Variants in TBC1D2B observed in about 807,000 individuals in gnomAD.
The protein encoded by TBC1D2B is TBC1 domain family member 2B, also known as TBC1 domain family, member 2B.
Under a neutral mutation model 100.8 loss-of-function variants are expected in TBC1D2B, and 64 were observed. The ratio of observed to expected loss-of-function variants is 0.64; its 90% CI spans 0.52 to 0.78. The LOEUF (loss-of-function observed/expected upper bound fraction) is 0.78, where lower values mean the gene tolerates loss of function less well. Ranked by LOEUF, TBC1D2B falls within the 30% of genes least tolerant of loss-of-function variation. The pLI is 0.00. For missense variants in TBC1D2B, 1,052 were observed against 1,218.4 expected (o/e 0.86, Z 2.03); for synonymous variants, 480 against 479.7 (o/e 1.00, Z -0.01).
chr15:78,038,044 C>A (rs538775447), intron 3 of TBC1D2B, among the ~76,000 whole-genome samples: 111 of 152,190 alleles, frequency 7.3e-4, no homozygotes, highest in African/African-American at 2.3e-3. Flanking sequence ...CAGACCCCCC[C>A]ACGAGTATAA....
At chr15:78,016,466 C>T in intron 8 of TBC1D2B, 80 bp downstream of exon 8, 1 of 1,364,064 alleles carries the variant, frequency 7.3e-7, no homozygotes, top group Admixed American at 2.0e-5. Flanking sequence ...GTGTACGGCT[C>T]TCTGCGAATG....
chr15:78,077,370 C>CG lies in TBC1D2B; in HGVS notation c.282dup (p.Asp95ArgfsTer49). ...TCCGTGCCCGGCTCCGCCGCCTCGT[C>CG]GGGGCCCTGGTAGCTGAAGCAGGCG... On this transcript the variant is annotated frameshift_variant, in exon 1 of 13. Coordinates refer to ENST00000300584, the MANE Select transcript of TBC1D2B (RefSeq NM_144572.2). LOFTEE classifies it high-confidence loss of function. 6.5e-7 allele frequency: 1 copy of CG among 1,541,174 alleles called. No homozygotes were observed. Among genetic ancestry groups the CG allele is most frequent in the Non-Finnish European group, 8.7e-7 (1 of 1,143,562 alleles).
chr15:78,013,188 G>T lies in TBC1D2B; in HGVS notation c.1905C>A (p.Val635=). ...LTENQEVSTG[V]KWENYFASTV... ...TACTTGCAAAATAGTTTTCCCACTT[G>T]ACCCCAGTGGAGACTTCCTGGTTTT... The change falls in exon 9 of 13, where the codon GTC becomes GTA. Residue 635 remains valine (V), a synonymous_variant. Coordinates refer to ENST00000300584, the MANE Select transcript of TBC1D2B (RefSeq NM_144572.2). 1 of 1,613,964 alleles carries T rather than the reference G, an allele frequency of 6.2e-7. No homozygotes were observed. Among genetic ancestry groups the T allele is most frequent in the Non-Finnish European group, 8.5e-7 (1 of 1,179,886 alleles).
chr15:78,022,915 T>C (rs1484985313), intron 6 of TBC1D2B, among the ~76,000 whole-genome samples: 1 of 152,192 alleles, frequency 6.6e-6, no homozygotes, highest in Non-Finnish European at 1.5e-5. Context: ...TCTTGTTGTT[T>C]TGGATTTTCT....
chr15:78,076,376 T>C (rs1411655502), intron 1 of TBC1D2B, among the ~76,000 whole-genome samples: 2 of 152,194 alleles, frequency 1.3e-5, no homozygotes, highest in African/African-American at 4.8e-5. Context: ...TGTGTGACCT[T>C]AGCTGGAGCA....
chr15:77,996,754 A>G lies in TBC1D2B; in HGVS notation c.*1406T>C, dbSNP rs974930438. ...TTAAAACTGCATTGCTTCAATTCTT[A>G]GTCTCAGTGTGTTCACAACAAAGGA... On this transcript the variant is annotated 3_prime_UTR_variant, in exon 13 of 13. Coordinates refer to ENST00000300584, the MANE Select transcript of TBC1D2B (RefSeq NM_144572.2). 1.3e-5 allele frequency: 2 copies of G among 152,238 alleles called. No individual in the cohort carries two copies. The highest frequency in any genetic ancestry group is 4.8e-5 in the African/African-American group (2 of 41,460). 9.4% of individuals were successfully genotyped at this position (152,238 alleles called of 1,614,324 possible). A position where few individuals can be genotyped will look rare whatever the true frequency, so the allele number is the denominator to read the frequency against.
intron 1 of TBC1D2B, among the ~76,000 whole-genome samples, chr15:78,059,434 T>C (rs1389656414): frequency 6.6e-6 from 1 of 152,184 alleles, no homozygotes; most frequent in Non-Finnish European, 1.5e-5. Flanking sequence ...TGGAAAGCCA[T>C]TGTAGTTGTC....
chr15:78,001,526 T>C lies in TBC1D2B; in HGVS notation c.2696+93A>G, dbSNP rs1042744249. ...CAACACTGTACACCGGGGATGGCTC[T>C]GAGTTGGAAGACAGCAAGGACAGGC... On this transcript the variant is annotated intron_variant, in intron 12 of 12. Transcript: ENST00000300584. The C allele has an allele frequency of 2.8e-6, 4 of 1,431,388 alleles. No homozygotes were observed. The African/African-American group carries it at 4.3e-5, about 15-fold the overall frequency. The allele number at this position is 1,431,388 out of a possible 1,614,324, so 88.7% of individuals were successfully genotyped here.
chr15:78,066,904 T>C (rs1240003985), intron 1 of TBC1D2B, among the ~76,000 whole-genome samples: 1 of 152,178 alleles, frequency 6.6e-6, no homozygotes, highest in East Asian at 1.9e-4. Flanking sequence ...ATGCCTCCTA[T>C]CAAGTCAACC....
chr15:78,000,863 C>G (rs927789902), intron 12 of TBC1D2B, among the ~76,000 whole-genome samples: 3 of 152,312 alleles, frequency 2.0e-5, no homozygotes, highest in East Asian at 3.9e-4. Flanking sequence ...CAATCTACCC[C>G]CCTTCTCCAT....
intron 1 of TBC1D2B, among the ~76,000 whole-genome samples, chr15:78,054,710 G>A (rs896832987): frequency 1.1e-4 from 16 of 152,186 alleles, no homozygotes; most frequent in South Asian, 2.1e-4. Flanking sequence ...AGGGTGCAGG[G>A]CAGCTAGTAC....
intron 12 of TBC1D2B, 94 bp downstream of exon 12, chr15:78,001,525 C>T (rs1011012048): frequency 1.4e-6 from 2 of 1,432,346 alleles, no homozygotes; most frequent in Non-Finnish European, 1.9e-6. Flanking sequence ...GGGGATGGCT[C>T]TGAGTTGGAA....
chr15:78,025,373 G>C lies in TBC1D2B; in HGVS notation c.972C>G (p.Gly324=). ...TGCTGACGCTGCCACTGCCTGATGT[G>C]CCTTCACTTGAAGGGTCACCACTGC... ...RHSSGDPSSE[G]TSGSGSVSIR... The change falls in exon 5 of 13, where the codon GGC becomes GGG. Residue 324 remains glycine, a synonymous_variant. Transcript: ENST00000300584. 1 of 1,613,858 alleles carries C rather than the reference G, an allele frequency of 6.2e-7. No individual in the cohort carries two copies. Among genetic ancestry groups the C allele is most frequent in the Non-Finnish European group, 8.5e-7 (1 of 1,179,864 alleles).
chr15:78,013,081 A>G lies in TBC1D2B; in HGVS notation c.2012T>C (p.Val671Ala). The part of the protein sequence containing the change: ...AGIPHEHRSK[V>A]WKWCVDRHTR... ...GTGACGGTCCACACACCACTTCCAC[A>G]CCTTGGAACGGTGCTCGTGGGGAAT... Residue 671 changes from valine to alanine, a missense_variant, in exon 9 of 13, where the codon GTG (valine) becomes GCG (alanine). Val to Ala is a moderately conservative substitution (Grantham distance 64, BLOSUM62 0). Around this residue, in one of 4 missense-constraint regions of TBC1D2B, gnomAD observed 373 missense variants for 464.9 expected, o/e 0.80. Transcript: ENST00000300584. 6.2e-7 allele frequency: 1 copy of G among 1,613,878 alleles called. No individual in the cohort carries two copies. Among genetic ancestry groups the G allele is most frequent in the Non-Finnish European group, 8.5e-7 (1 of 1,179,864 alleles).
intron 1 of TBC1D2B, among the ~76,000 whole-genome samples, chr15:78,066,373 G>A (rs982613982): frequency 1.3e-5 from 2 of 152,120 alleles, no homozygotes; most frequent in Non-Finnish European, 2.9e-5. Context: ...CATCATACAG[G>A]GTCAGTCTTT....
intron 7 of TBC1D2B, 139 bp downstream of exon 7, chr15:78,017,708 T>C (rs2072412770): frequency 3.6e-6 from 2 of 557,224 alleles, no homozygotes; most frequent in Admixed American, 3.5e-5. Context: ...GTATTATATG[T>C]ATTTTAAATA....
chr15:78,030,808 A>G (rs1489285394), intron 3 of TBC1D2B, among the ~76,000 whole-genome samples: 4 of 152,250 alleles, frequency 2.6e-5, no homozygotes, highest in Non-Finnish European at 5.9e-5. Flanking sequence ...TTAGAAAAAA[A>G]TAAAAAGGTA....
intron 2 of TBC1D2B, among the ~76,000 whole-genome samples, chr15:78,050,158 C>T (rs910195620): frequency 6.6e-6 from 1 of 152,172 alleles, no homozygotes; most frequent in African/African-American, 2.4e-5. Flanking sequence ...GCACCGAGAG[C>T]ACTGCTCAGG....
chr15:78,050,223 A>C (rs1321035971), intron 2 of TBC1D2B, among the ~76,000 whole-genome samples: 1 of 152,086 alleles, frequency 6.6e-6, no homozygotes. Flanking sequence ...CCTTGCACAC[A>C]AGCTGTTAAA....
Sources: allele counts gnomAD v4.1 joint callset (sites outside exome capture counted in the v4.1 genomes callset), GRCh38; gene constraint gnomAD v4.1.1; regional missense constraint gnomAD v4.1.1; transcripts MANE v1.5; gene names NCBI Gene and HGNC (gene_info 2026-07-23, HGNC 2026-07-21).